The following BBS9 variants were observed in gnomAD, a reference collection of about 807,000 sequenced individuals.
BBS9 encodes protein PTHB1.
Under a neutral mutation model 117.7 loss-of-function variants are expected in BBS9, and 89 were observed. The observed-to-expected ratio is 0.76, with a 90% CI of 0.64 to 0.90. BBS9 has a LOEUF of 0.90. Among genes scored for constraint, BBS9 ranks in the 40% least tolerant of loss-of-function variants. The pLI is 0.00. For synonymous variants in BBS9, 379 were observed against 370.9 expected (o/e 1.02, Z -0.25); for missense variants, 982 against 1,042.2 (o/e 0.94, Z 0.80).
intron 19 of BBS9, among the ~76,000 whole-genome samples, chr7:33,493,473 G>A (rs1164610310): frequency 6.6e-6 from 1 of 152,152 alleles, no homozygotes; most frequent in Non-Finnish European, 1.5e-5. Context: ...GAGAATGAGT[G>A]ACTTGCCCCA....
At chr7:33,403,322 A>C (rs964821102) in intron 19 of BBS9, among the ~76,000 whole-genome samples, 5 of 118,796 alleles carry the variant, frequency 4.2e-5, no homozygotes, top group African/African-American at 1.6e-4. Flanking sequence ...TTTTTATTTT[A>C]TTATTATTAT....
chr7:33,602,823 A>C (rs1176929412), intron 21 of BBS9, among the ~76,000 whole-genome samples: 1 of 152,156 alleles, frequency 6.6e-6, no homozygotes, highest in Non-Finnish European at 1.5e-5. Flanking sequence ...GAGGAGGTGC[A>C]TGCAATCTGT....
rs151138840 is a variant in BBS9, at chr7:33,514,563, A to G, written c.2298+8918A>G. On this transcript the variant is annotated intron_variant, in intron 20 of 22. Transcript: ENST00000242067. Reference sequence around the variant, plus strand: ...TACTTTAAAAAAGTTAAACAACAGAATCCAGCCTTTGCTAGCTTTGGGTAC... The same window carrying G: ...TACTTTAAAAAAGTTAAACAACAGAGTCCAGCCTTTGCTAGCTTTGGGTAC... Among the ~76,000 whole-genome samples, 4 of 152,284 alleles carry G rather than the reference A, an allele frequency of 2.6e-5. No homozygotes were observed. The East Asian group carries it at 7.7e-4, about 29-fold the overall frequency.
intron 21 of BBS9, among the ~76,000 whole-genome samples, chr7:33,573,040 C>T (rs547026393): frequency 1.3e-5 from 2 of 152,062 alleles, no homozygotes; most frequent in Admixed American, 6.6e-5. Context: ...CTTCCCTTTC[C>T]CTCTTTCTTT....
intron 5 of BBS9, among the ~76,000 whole-genome samples, chr7:33,195,682 A>G (rs554147017): frequency 2.6e-4 from 40 of 152,252 alleles, no homozygotes; most frequent in Non-Finnish European, 2.4e-4. Context: ...AAAATTACTT[A>G]AATTCTCTAA....
At chr7:33,573,408 GAAAT>G (rs926811749) in intron 21 of BBS9, among the ~76,000 whole-genome samples, 6 of 152,096 alleles carry the variant, frequency 3.9e-5, no homozygotes, top group Non-Finnish European at 8.8e-5. Flanking sequence ...GGTAGCTCAT[GAAAT>G]ATACTCTTTT....
chr7:33,327,135 T>C (rs887820583), intron 9 of BBS9, among the ~76,000 whole-genome samples: 1 of 152,094 alleles, frequency 6.6e-6, no homozygotes, highest in Non-Finnish European at 1.5e-5. Flanking sequence ...AGTGGCAAGG[T>C]TTCCTGGAAC....
intron 4 of BBS9, among the ~76,000 whole-genome samples, chr7:33,166,250 T>C (rs186295158): frequency 2.3e-4 from 35 of 152,242 alleles, no homozygotes; most frequent in African/African-American, 7.9e-4. Context: ...AAGGGCACCC[T>C]CCTGTATGAG....
At chr7:33,280,269 G>A (rs911069771) in intron 9 of BBS9, among the ~76,000 whole-genome samples, 1 of 152,128 alleles carries the variant, frequency 6.6e-6, no homozygotes, top group Non-Finnish European at 1.5e-5. Flanking sequence ...TACAGATTCT[G>A]TCACCCGGGT....
chr7:33,172,916 C>G (rs1475686290), intron 4 of BBS9, among the ~76,000 whole-genome samples: 1 of 152,138 alleles, frequency 6.6e-6, no homozygotes, highest in Admixed American at 6.5e-5. Context: ...TGACTTATGC[C>G]AATTTAAAAC....
chr7:33,186,795 T>G (rs556713159), intron 5 of BBS9, among the ~76,000 whole-genome samples: 1 of 152,208 alleles, frequency 6.6e-6, no homozygotes, highest in Admixed American at 6.5e-5. Flanking sequence ...TATGTGATTT[T>G]GGGTTCTAAA....
chr7:33,291,913 T>A (rs1187381591), intron 9 of BBS9, among the ~76,000 whole-genome samples: 1 of 152,130 alleles, frequency 6.6e-6, no homozygotes, highest in Admixed American at 6.5e-5. Context: ...TTAGGGCCGC[T>A]CCACTTTCAA....
chr7:33,294,942 G>A (rs575216081), intron 9 of BBS9, among the ~76,000 whole-genome samples: 4 of 152,216 alleles, frequency 2.6e-5, no homozygotes, highest in Admixed American at 1.3e-4. Context: ...AAGTAAACTT[G>A]CTCTAGTTGG....
At chr7:33,523,312 G>A (rs1848942421) in intron 20 of BBS9, among the ~76,000 whole-genome samples, 1 of 137,542 alleles carries the variant, frequency 7.3e-6, no homozygotes, top group Non-Finnish European at 1.6e-5. Flanking sequence ...GATGGGGATG[G>A]CATTGAATCT....
At chr7:33,427,979 C>A (rs1195905520) in intron 19 of BBS9, among the ~76,000 whole-genome samples, 1 of 152,132 alleles carries the variant, frequency 6.6e-6, no homozygotes, top group Non-Finnish European at 1.5e-5. Flanking sequence ...GATTTAAATA[C>A]ACGTATGTAT....
chr7:33,448,741 A>T (rs753831585), intron 19 of BBS9, among the ~76,000 whole-genome samples: 1 of 152,220 alleles, frequency 6.6e-6, no homozygotes, highest in Admixed American at 6.5e-5. Flanking sequence ...ACTGGTGCCA[A>T]ATCTGCAAAT....
At chr7:33,411,629 A>G (rs1481014356) in intron 19 of BBS9, among the ~76,000 whole-genome samples, 1 of 152,180 alleles carries the variant, frequency 6.6e-6, no homozygotes, top group African/African-American at 2.4e-5. Context: ...ATCCTAGGAA[A>G]TACATTTTAT....
chr7:33,527,096 TC>T (rs1276229227), intron 20 of BBS9, among the ~76,000 whole-genome samples: 1 of 151,948 alleles, frequency 6.6e-6, no homozygotes, highest in Non-Finnish European at 1.5e-5. Context: ...GAGGAGGCAG[TC>T]TGCCTCTTCT....
chr7:33,597,575 A>G (rs1863060188), intron 21 of BBS9, among the ~76,000 whole-genome samples: 1 of 152,146 alleles, frequency 6.6e-6, no homozygotes, highest in Admixed American at 6.6e-5. Flanking sequence ...CTTCAAATAT[A>G]CCCACAGAAC....
Sources: gnomAD v4.1 joint callset for allele counts (sites outside exome capture counted in the v4.1 genomes callset) on GRCh38, gnomAD v4.1.1 for gene constraint, MANE v1.5 for transcripts, NCBI Gene and HGNC (gene_info 2026-07-23, HGNC 2026-07-21) for gene names.